The following TM9SF2 variants were observed in gnomAD, a reference collection of about 807,000 sequenced individuals.
TM9SF2 encodes the protein transmembrane 9 superfamily member 2, also known as 76 kDa membrane protein.
TM9SF2 carries 13 observed loss-of-function variants against 84.9 expected under a neutral mutation model. The observed-to-expected ratio is 0.15, with a 90% CI of 0.10 to 0.24. The LOEUF (loss-of-function observed/expected upper bound fraction) is 0.24. Ranked by LOEUF, TM9SF2 falls within the 10% of genes least tolerant of loss-of-function variation. The probability of loss-of-function intolerance (pLI) is 1.00; values close to 1 mark genes in which losing one functional copy is unlikely to be tolerated. For missense variants in TM9SF2, 562 were observed against 818.5 expected, an observed-to-expected ratio of 0.69 and a Z score of 3.82; for synonymous variants, 273 against 285.8, an observed-to-expected ratio of 0.96 and a Z score of 0.45.
chr13:99,562,000 T>C (rs1364923167), intron 16 of TM9SF2, among the ~76,000 whole-genome samples: 2 of 152,232 alleles, frequency 1.3e-5, no homozygotes, highest in Non-Finnish European at 2.9e-5. Flanking sequence ...TCATGAATTA[T>C]CTCATTTACT....
At chr13:99,534,885 C>A (rs763101199) in intron 4 of TM9SF2, among the ~76,000 whole-genome samples, 1 of 152,166 alleles carries the variant, frequency 6.6e-6, no homozygotes, top group Non-Finnish European at 1.5e-5. Context: ...CGTGGTGGCT[C>A]ACACCTGTAA....
At chr13:99,527,435 C>G (rs1012029912) in intron 3 of TM9SF2, among the ~76,000 whole-genome samples, 1 of 152,150 alleles carries the variant, frequency 6.6e-6, no homozygotes, top group South Asian at 2.1e-4. Context: ...CAGAGTGAAT[C>G]GGAGAAAGCC....
chr13:99,541,787 AAAAC>A (rs1480104051), intron 9 of TM9SF2, 120 bp downstream of exon 9: 20 of 597,010 alleles, frequency 3.4e-5, no homozygotes, highest in South Asian at 1.0e-4. Flanking sequence ...AACAAAAACA[AAAAC>A]AAAAAAATTC....
chr13:99,508,243 TG>T (rs1442573074), intron 1 of TM9SF2, among the ~76,000 whole-genome samples: 1 of 152,158 alleles, frequency 6.6e-6, no homozygotes. Context: ...AGTTTGAAAG[TG>T]GGAATGTGAA....
intron 3 of TM9SF2, among the ~76,000 whole-genome samples, chr13:99,522,000 G>A (rs757247975): frequency 2.5e-4 from 38 of 152,180 alleles, no homozygotes; most frequent in South Asian, 4.2e-4. Flanking sequence ...GACGTGAGCC[G>A]CCGTCTGACG....
Position 99,537,695 on chromosome 13 carries a change from T to C in TM9SF2, c.592-44T>C, listed in dbSNP as rs548650865. 2.7e-5 allele frequency: 41 copies of C among 1,516,932 alleles called. No homozygotes were observed. In the African/African-American group the frequency reaches 5.4e-4, roughly 20 times the overall value. 94.0% of individuals were successfully genotyped at this position (1,516,932 alleles called of 1,614,324 possible). A position where few individuals can be genotyped will look rare whatever the true frequency, so the allele number is the denominator to read the frequency against. On this transcript the variant is annotated intron_variant, in intron 5 of 16. Transcript: ENST00000376387. ...TTAAAGTTTTAAGTTTTGACTCTTATGTAGTCAGTTTTCTACCTTTAACTT... is the reference window on the plus strand; with the variant it reads ...TTAAAGTTTTAAGTTTTGACTCTTACGTAGTCAGTTTTCTACCTTTAACTT...
At chr13:99,526,678 G>T (rs1191912147) in intron 3 of TM9SF2, among the ~76,000 whole-genome samples, 1 of 152,134 alleles carries the variant, frequency 6.6e-6, no homozygotes, top group African/African-American at 2.4e-5. Flanking sequence ...TTTGAAATTG[G>T]ATGAAGACCA....
At chr13:99,527,565 C>T (rs2046189367) in intron 3 of TM9SF2, among the ~76,000 whole-genome samples, 1 of 152,186 alleles carries the variant, frequency 6.6e-6, no homozygotes, top group Admixed American at 6.5e-5. Flanking sequence ...GTGGGGATTA[C>T]AATTCAGATC....
rs538540206 is a variant in TM9SF2 at position 99,561,649 on chromosome 13, C to T, written c.1925-1042C>T. ...ATATAATGATGTTTGTAATTTCCCA[C>T]GGTAATGTCCCATGTATAGTCTCTT... On this transcript the variant is annotated intron_variant, in intron 16 of 16. Transcript: ENST00000376387. Among the ~76,000 whole-genome samples the T allele has an allele frequency of 9.9e-5, 15 of 152,274 alleles. No individual in the cohort carries two copies. In the Middle Eastern group the frequency reaches 0.01, roughly 104 times the overall value.
chr13:99,547,791 G>T (rs78484084), intron 11 of TM9SF2, among the ~76,000 whole-genome samples: 2 of 152,176 alleles, frequency 1.3e-5, no homozygotes, highest in African/African-American at 4.8e-5. Context: ...CCACAGTCTC[G>T]TCTGGGATAT....
intron 14 of TM9SF2, 66 bp from the exon 15 acceptor site, chr13:99,555,470 G>C (rs1325022100): frequency 1.2e-5 from 14 of 1,200,592 alleles, no homozygotes; most frequent in Non-Finnish European, 1.6e-5. Context: ...AGAATGAAAA[G>C]ATTGTGTTAT....
chr13:99,558,233 AAGTT>A (rs1345881464), intron 15 of TM9SF2, among the ~76,000 whole-genome samples: 1 of 152,226 alleles, frequency 6.6e-6, no homozygotes, highest in Non-Finnish European at 1.5e-5. Flanking sequence ...GCTTCGTAGT[AAGTT>A]TTGAAATCAA....
chr13:99,552,912 A>G (rs992922843), intron 13 of TM9SF2, among the ~76,000 whole-genome samples: 2 of 152,246 alleles, frequency 1.3e-5, no homozygotes, highest in Admixed American at 1.3e-4. Flanking sequence ...TCACTGTAAG[A>G]AAAGTAGCTG....
At chr13:99,557,386 G>T (rs984800638) in intron 15 of TM9SF2, among the ~76,000 whole-genome samples, 2 of 152,088 alleles carry the variant, frequency 1.3e-5, no homozygotes, top group Non-Finnish European at 1.5e-5. Context: ...TTGTCTTTTT[G>T]TTGAGTTGTA....
chr13:99,555,668 C>T (rs2046322351), intron 15 of TM9SF2, 21 bp downstream of exon 15: 13 of 1,529,298 alleles, frequency 8.5e-6, no homozygotes, highest in Non-Finnish European at 1.2e-5. Context: ...GCAGTATTCA[C>T]TTATGTTAAT....
At chr13:99,523,688 A>T (rs1230392635) in intron 3 of TM9SF2, among the ~76,000 whole-genome samples, 2 of 152,208 alleles carry the variant, frequency 1.3e-5, no homozygotes, top group African/African-American at 4.8e-5. Flanking sequence ...AGTACCTTTC[A>T]TGTGCCAGGC....
At chr13:99,523,233 C>T (rs2046168009) in intron 3 of TM9SF2, among the ~76,000 whole-genome samples, 1 of 152,128 alleles carries the variant, frequency 6.6e-6, no homozygotes, top group Non-Finnish European at 1.5e-5. Context: ...CTCACTGCAG[C>T]CTTGAACTCC....
intron 1 of TM9SF2, among the ~76,000 whole-genome samples, chr13:99,509,064 A>G (rs1007929401): frequency 2.0e-5 from 3 of 152,220 alleles, no homozygotes; most frequent in Admixed American, 1.3e-4. Context: ...CCTTCTACCT[A>G]TGAGCCTGTA....
intron 4 of TM9SF2, among the ~76,000 whole-genome samples, chr13:99,532,316 C>T (rs987525312): frequency 6.6e-6 from 1 of 152,058 alleles, no homozygotes; most frequent in African/African-American, 2.4e-5. Flanking sequence ...TCCCAAAGTG[C>T]TGGGATTACA....
Sources: allele counts gnomAD v4.1 joint callset (sites outside exome capture counted in the v4.1 genomes callset), GRCh38; gene constraint gnomAD v4.1.1; transcripts MANE v1.5; gene names NCBI Gene and HGNC (gene_info 2026-07-23, HGNC 2026-07-21).